P2RY8: variants seen among roughly 807,000 people sequenced by gnomAD.
P2RY8 encodes P2Y receptor family member 8, also known as S-geranylgeranyl-glutathione receptor P2RY8.
Under a neutral mutation model 10.0 loss-of-function variants are expected in P2RY8, and 6 were observed. The observed-to-expected ratio is 0.60, with a 90% confidence interval of 0.33 to 1.19. P2RY8 has a LOEUF of 1.19. Among genes scored for constraint, P2RY8 ranks in the 50% most tolerant of loss-of-function variants. The probability of loss-of-function intolerance (pLI) is 0.04; values close to 1 mark genes in which losing one functional copy is unlikely to be tolerated. For synonymous variants in P2RY8, 276 were observed against 252.5 expected, an observed-to-expected ratio of 1.09 and a Z score of -0.88; for missense variants, 456 against 542.0, an observed-to-expected ratio of 0.84 and a Z score of 1.58.
chrX:1,496,525 C>T (rs1167604426), intron 1 of P2RY8, among the ~76,000 whole-genome samples: 1 of 152,040 alleles, frequency 6.6e-6, no homozygotes, highest in Non-Finnish European at 1.5e-5. Context: ...GTTCCCAAAT[C>T]TACTTCTTGG....
At chrX:1,483,188 G>A (rs1305643256) in intron 1 of P2RY8, among the ~76,000 whole-genome samples, 1 of 152,278 alleles carries the variant, frequency 6.6e-6, no homozygotes, top group Non-Finnish European at 1.5e-5. Flanking sequence ...ATTGTGATCT[G>A]GTGGATTCTG....
At chrX:1,499,305 C>T (rs778576597) in intron 1 of P2RY8, among the ~76,000 whole-genome samples, 136 of 151,402 alleles carry the variant, frequency 9.0e-4, no homozygotes, top group African/African-American at 3.1e-3. Flanking sequence ...TGGGATTACA[C>T]GAGGTGTGTG....
At chrX:1,509,233 C>CTCTA (rs201285656) in intron 1 of P2RY8, among the ~76,000 whole-genome samples, 12,255 of 143,802 alleles carry the variant, frequency 0.085, 704 homozygotes, top group Non-Finnish European at 0.12. Flanking sequence ...CTATTTATCT[C>CTCTA]TCTATCATCT....
intron 1 of P2RY8, among the ~76,000 whole-genome samples, chrX:1,498,424 GA>G (rs2092141183): frequency 7.2e-6 from 1 of 139,670 alleles, no homozygotes; most frequent in Admixed American, 7.3e-5. Flanking sequence ...AAAAAAAAAA[GA>G]AAAAGAAAGA....
intron 1 of P2RY8, among the ~76,000 whole-genome samples, chrX:1,508,338 G>A (rs1239371481): frequency 1.3e-5 from 2 of 152,116 alleles, no homozygotes; most frequent in Non-Finnish European, 2.9e-5. Context: ...CTGTCATGAC[G>A]GGGTGGAGGA....
chrX:1,533,515 T>A (rs1165497433), intron 1 of P2RY8, among the ~76,000 whole-genome samples: 2 of 137,990 alleles, frequency 1.4e-5, no homozygotes, highest in African/African-American at 5.3e-5. Flanking sequence ...TTTAAATGTA[T>A]TGTATATTTA....
At chrX:1,469,311 G>C (rs1311719180) in intron 1 of P2RY8, among the ~76,000 whole-genome samples, 1 of 150,576 alleles carries the variant, frequency 6.6e-6, no homozygotes, top group East Asian at 2.0e-4. Context: ...TTACATGCAT[G>C]CACCACCACG....
chrX:1,537,052 G>A lies in P2RY8; in HGVS notation c.-156C>T, dbSNP rs1373366325. 2 of 232,590 alleles carry A rather than the reference G, an allele frequency of 8.6e-6. No individual in the cohort carries two copies. The highest frequency in any genetic ancestry group is 6.1e-5 in the East Asian group (1 of 16,514). 14.4% of individuals were successfully genotyped at this position (232,590 alleles called of 1,614,324 possible). A position where few individuals can be genotyped will look rare whatever the true frequency, so the allele number is the denominator to read the frequency against. On this transcript the variant is annotated 5_prime_UTR_variant, in exon 1 of 2. It adds an upstream start codon to the 5' untranslated region. Coordinates refer to ENST00000381297, the MANE Select transcript of P2RY8 (RefSeq NM_178129.5). ...GGGGCCAGCCACCAGCTTGCAAGCCGTGGTCACTCAAAGTGCTTGAGAAGG... is the reference window on the plus strand; with the variant it reads ...GGGGCCAGCCACCAGCTTGCAAGCCATGGTCACTCAAAGTGCTTGAGAAGG...
rs866765050 is a variant in P2RY8, at chrX:1,524,637, C to G, written c.-25+12284G>C. Among the ~76,000 whole-genome samples the G allele has an allele frequency of 2.0e-3, 86 of 42,406 alleles. 10 individuals are homozygous for G. The highest frequency in any genetic ancestry group is 2.0e-3 in the Non-Finnish European group (46 of 22,748). 27.8% of individuals were successfully genotyped at this position (42,406 alleles called of 152,430 possible). On this transcript the variant is annotated intron_variant, in intron 1 of 1. Transcript: ENST00000381297. ...TCCATCCATCCATTCATCCATCCAT[C>G]CATCCATACATCCATCCATCCATCC...
intron 1 of P2RY8, among the ~76,000 whole-genome samples, chrX:1,508,209 G>A (rs1299201412): frequency 2.0e-5 from 3 of 152,200 alleles, no homozygotes; most frequent in African/African-American, 7.2e-5. Context: ...AGAGCTGCAG[G>A]CAGTCAGCTG....
chrX:1,499,176 T>C lies in P2RY8; in HGVS notation c.-24-32594A>G, dbSNP rs751791253. On this transcript the variant is annotated intron_variant, in intron 1 of 1. Coordinates refer to ENST00000381297, the MANE Select transcript of P2RY8 (RefSeq NM_178129.5). ...TCTTTTTCTTTTCTTTTTTTTTTTT[T>C]TTTTTGAGACAGTTTCACTCTTGTC... Among the ~76,000 whole-genome samples, 1,174 of 149,174 alleles carry C rather than the reference T, an allele frequency of 7.9e-3. 10 individuals are homozygous for C. Among genetic ancestry groups the C allele is most frequent in the African/African-American group, 0.027 (1,110 of 40,624 alleles).
At chrX:1,502,532 CT>C (rs1285264415) in intron 1 of P2RY8, among the ~76,000 whole-genome samples, 2 of 152,182 alleles carry the variant, frequency 1.3e-5, no homozygotes, top group African/African-American at 4.8e-5. Context: ...TGAGCCGCCC[CT>C]GTCCCTACTC....
intron 1 of P2RY8, among the ~76,000 whole-genome samples, chrX:1,531,296 C>T (rs1368043412): frequency 6.6e-6 from 1 of 152,148 alleles, no homozygotes; most frequent in Non-Finnish European, 1.5e-5. Context: ...AATTCCCCCG[C>T]CCCAAATGTC....
In P2RY8 at chrX:1,462,779, C is replaced by T. The variant is rs1474084492; in HGVS notation, c.*2700G>A. The T allele has an allele frequency of 1.3e-5, 3 of 232,864 alleles. No individual in the cohort carries two copies. Among genetic ancestry groups the T allele is most frequent in the Non-Finnish European group, 2.5e-5 (3 of 117,930 alleles). 14.4% of individuals were successfully genotyped at this position (232,864 alleles called of 1,614,324 possible). On this transcript the variant is annotated 3_prime_UTR_variant, in exon 2 of 2. Transcript: ENST00000381297. Reference sequence around the variant, plus strand: ...CTGAGACTTTTTGGAATCCCTCCCTCTCTCCATGTCCTGCCAAGAACAGAA... The same window carrying T: ...CTGAGACTTTTTGGAATCCCTCCCTTTCTCCATGTCCTGCCAAGAACAGAA...
At chrX:1,473,822 GGGTGGGT>G (rs2091835498) in intron 1 of P2RY8, among the ~76,000 whole-genome samples, 1 of 35,076 alleles carries the variant, frequency 2.9e-5, no homozygotes, top group Admixed American at 2.5e-4. Context: ...GTGAGTGGGT[GGGTGGGT>G]GGATGGGTGG....
intron 1 of P2RY8, among the ~76,000 whole-genome samples, chrX:1,499,167 T>C (rs1266058237): frequency 1.3e-4 from 19 of 143,770 alleles, no homozygotes; most frequent in East Asian, 1.2e-3. Context: ...TCTTTTCTTT[T>C]TTTTTTTTTT....
chrX:1,525,623 CCATCCATT>C (rs1330406277), intron 1 of P2RY8, among the ~76,000 whole-genome samples: 1 of 152,202 alleles, frequency 6.6e-6, no homozygotes, highest in East Asian at 1.9e-4. Context: ...AATCATGCAT[CCATCCATT>C]CATCCATTCA....
At chrX:1,535,522 GT>G (rs1403350054) in intron 1 of P2RY8, among the ~76,000 whole-genome samples, 1 of 151,862 alleles carries the variant, frequency 6.6e-6, no homozygotes, top group Non-Finnish European at 1.5e-5. Context: ...GCTTGCCAAA[GT>G]CAAGTGGGCT....
At chrX:1,482,771 T>G (rs1254838061) in intron 1 of P2RY8, among the ~76,000 whole-genome samples, 6 of 152,056 alleles carry the variant, frequency 3.9e-5, no homozygotes, top group Non-Finnish European at 8.8e-5. Context: ...CCATCAAAAA[T>G]GATGAGTTCA....
Sources: gnomAD v4.1 joint callset for allele counts (sites outside exome capture counted in the v4.1 genomes callset) on GRCh38, gnomAD v4.1.1 for gene constraint, MANE v1.5 for transcripts, NCBI Gene and HGNC (gene_info 2026-07-23, HGNC 2026-07-21) for gene names.